The following UTRN variants were observed in gnomAD, a reference collection of about 807,000 sequenced individuals.
The protein encoded by UTRN is utrophin, also known as dystrophin-related protein 1.
UTRN carries 283 observed loss-of-function variants against 463.9 expected under a neutral mutation model. The observed-to-expected ratio is 0.61, with a 90% confidence interval of 0.55 to 0.67. The LOEUF (loss-of-function observed/expected upper bound fraction) is 0.67. Among genes scored for constraint, UTRN ranks in the 30% least tolerant of loss-of-function variants. UTRN has a pLI of 0.00. For missense variants in UTRN, 3,922 were observed against 4,084.3 expected, an observed-to-expected ratio of 0.96 and a Z score of 1.08; for synonymous variants, 1,442 against 1,431.5, an observed-to-expected ratio of 1.01 and a Z score of -0.17.
chr6:144,470,879 A>G (rs1375313022), intron 23 of UTRN, among the ~76,000 whole-genome samples: 1 of 151,666 alleles, frequency 6.6e-6, no homozygotes, highest in Non-Finnish European at 1.5e-5. Flanking sequence ...TACAAAAACC[A>G]GTCAGGCGTG....
chr6:144,420,069 G>A (rs1459898696), intron 3 of UTRN, among the ~76,000 whole-genome samples: 1 of 151,954 alleles, frequency 6.6e-6, no homozygotes, highest in Non-Finnish European at 1.5e-5. Context: ...ACTTCAGAAT[G>A]GCTCCTTCTT....
intron 51 of UTRN, among the ~76,000 whole-genome samples, chr6:144,602,818 T>C (rs1804405103): frequency 6.6e-6 from 1 of 152,222 alleles, no homozygotes; most frequent in Non-Finnish European, 1.5e-5. Flanking sequence ...AATGTTGAAT[T>C]AAATGACATT....
At chr6:144,737,865 G>A (rs1227102532) in intron 54 of UTRN, among the ~76,000 whole-genome samples, 2 of 150,396 alleles carry the variant, frequency 1.3e-5, no homozygotes, top group Non-Finnish European at 3.0e-5. Flanking sequence ...GTTTGTATGT[G>A]TTAGAAAGTA....
chr6:144,386,745 G>A (rs1279849312), intron 2 of UTRN, among the ~76,000 whole-genome samples: 8 of 151,944 alleles, frequency 5.3e-5, no homozygotes, highest in African/African-American at 1.7e-4. Context: ...CTTGGACAAA[G>A]GATTGCATTT....
At chr6:144,517,910 A>G (rs1795769198) in intron 39 of UTRN, among the ~76,000 whole-genome samples, 1 of 152,212 alleles carries the variant, frequency 6.6e-6, no homozygotes, top group African/African-American at 2.4e-5. Flanking sequence ...GCATGACTAT[A>G]CTTTAAAAAC....
chr6:144,730,113 A>C (rs769854415), intron 53 of UTRN, among the ~76,000 whole-genome samples: 1 of 152,274 alleles, frequency 6.6e-6, no homozygotes, highest in Non-Finnish European at 1.5e-5. Context: ...AATTTCCCTT[A>C]AGTGAATATT....
At chr6:144,493,571 A>G (rs1028055147) in intron 33 of UTRN, 115 bp downstream of exon 33, 5 of 1,178,154 alleles carry the variant, frequency 4.2e-6, no homozygotes, top group Middle Eastern at 2.3e-4. Flanking sequence ...TGGAAAATGC[A>G]TGTTTGAAAA....
chr6:144,780,285 A>G (rs1487142552), intron 60 of UTRN, among the ~76,000 whole-genome samples: 2 of 151,934 alleles, frequency 1.3e-5, no homozygotes, highest in Non-Finnish European at 1.5e-5. Flanking sequence ...TTTGCCTCTT[A>G]TTTTTCATGC....
intron 54 of UTRN, among the ~76,000 whole-genome samples, chr6:144,746,473 T>A (rs536077371): frequency 2.6e-4 from 40 of 152,060 alleles, no homozygotes; most frequent in Admixed American, 1.0e-3. Context: ...CTAATTCACT[T>A]ATTTTTTTAT....
chr6:144,506,265 A>T (rs1480865763), intron 34 of UTRN, among the ~76,000 whole-genome samples: 1 of 151,990 alleles, frequency 6.6e-6, no homozygotes, highest in Non-Finnish European at 1.5e-5. Flanking sequence ...TTTACATTTA[A>T]GGTTAATATT....
chr6:144,321,626 T>C (rs575221195), intron 2 of UTRN, among the ~76,000 whole-genome samples: 2 of 150,906 alleles, frequency 1.3e-5, no homozygotes, highest in African/African-American at 4.9e-5. Context: ...TGTACCACCA[T>C]GCCCGGCTAA....
chr6:144,470,403 G>A (rs1334713039), intron 23 of UTRN, among the ~76,000 whole-genome samples: 5 of 151,208 alleles, frequency 3.3e-5, no homozygotes, highest in South Asian at 2.1e-4. Flanking sequence ...GCTGCTGGGC[G>A]GAGGGGCTCC....
chr6:144,469,533 T>C (rs1562447151), intron 23 of UTRN, among the ~76,000 whole-genome samples: 1 of 152,102 alleles, frequency 6.6e-6, no homozygotes, highest in East Asian at 1.9e-4. Flanking sequence ...GACCTCAGCA[T>C]TTCTTTATAT....
At chr6:144,553,308 G>T (rs1799088760) in intron 48 of UTRN, among the ~76,000 whole-genome samples, 1 of 152,154 alleles carries the variant, frequency 6.6e-6, no homozygotes, top group Non-Finnish European at 1.5e-5. Context: ...AAAGTGCTGG[G>T]ATTACAGGTG....
chr6:144,490,300 T>A (rs1236014064), intron 31 of UTRN, 101 bp downstream of exon 31: 8 of 1,481,264 alleles, frequency 5.4e-6, no homozygotes, highest in Non-Finnish European at 7.2e-6. Context: ...GTATTCTTTG[T>A]GATGTAAACC....
chr6:144,368,770 AG>A (rs1448337487), intron 2 of UTRN, among the ~76,000 whole-genome samples: 1 of 152,084 alleles, frequency 6.6e-6, no homozygotes, highest in Non-Finnish European at 1.5e-5. Flanking sequence ...TCGCAAAAAA[AG>A]AAAAAAAAAG....
intron 34 of UTRN, among the ~76,000 whole-genome samples, chr6:144,502,893 C>T (rs1794328995): frequency 6.6e-6 from 1 of 152,284 alleles, no homozygotes; most frequent in South Asian, 2.1e-4. Context: ...CCTATTTCTC[C>T]ACATCCACTC....
intron 2 of UTRN, among the ~76,000 whole-genome samples, chr6:144,385,279 G>A (rs1410732462): frequency 2.0e-5 from 3 of 152,124 alleles, no homozygotes; most frequent in Admixed American, 1.3e-4. Context: ...CATGGATTAC[G>A]ATCTGAGATT....
In UTRN at chr6:144,828,582, G is replaced by A. The variant is rs2297847; in HGVS notation, c.9600-208G>A. On this transcript the variant is annotated intron_variant, in intron 68 of 74. Coordinates refer to ENST00000367545, the MANE Select transcript of UTRN (RefSeq NM_007124.3). ...CAGTTAGGAGACTTTACAACATGGC[G>A]TAAGATAAAGGCCTACAGGCATTAA... is the stretch of plus-strand genomic sequence containing the variant. Among the ~76,000 whole-genome samples the A allele has an allele frequency of 0.19, 29,328 of 152,088 alleles. 3,816 individuals are homozygous for A. The highest frequency in any genetic ancestry group is 0.36 in the African/African-American group (15,133 of 41,464).
Sources: gnomAD v4.1 joint callset for allele counts (sites outside exome capture counted in the v4.1 genomes callset) on GRCh38, gnomAD v4.1.1 for gene constraint, MANE v1.5 for transcripts, NCBI Gene and HGNC (gene_info 2026-07-23, HGNC 2026-07-21) for gene names.